The following POLQ variants were observed in gnomAD, a reference collection of about 807,000 sequenced individuals.
The protein encoded by POLQ is DNA polymerase theta, also known as epididymis secretory sperm binding protein.
A neutral mutation model predicts 259.2 loss-of-function variants in POLQ; 233 were observed. The ratio of observed to expected loss-of-function variants is 0.90; its 90% CI spans 0.81 to 1.00. The LOEUF (loss-of-function observed/expected upper bound fraction) is 1.00. POLQ is among the 50% of genes least tolerant of loss of function. POLQ has a pLI of 0.00. For missense variants in POLQ, 2,871 were observed against 3,051.6 expected, an observed-to-expected ratio of 0.94 and a Z score of 1.39; for synonymous variants, 1,025 against 1,048.8, an observed-to-expected ratio of 0.98 and a Z score of 0.44.
intron 8 of POLQ, 145 bp downstream of exon 8, chr3:121,521,858 A>AC (rs2048338543): frequency 1.9e-6 from 1 of 537,842 alleles, no homozygotes; most frequent in Non-Finnish European, 3.0e-6. Context: ...GGAGTGAGCC[A>AC]CCACGCCCAG....
chr3:121,494,489 G>A (rs763874239), intron 14 of POLQ: 59 of 1,482,340 alleles, frequency 4.0e-5, no homozygotes, highest in Non-Finnish European at 4.9e-5. Context: ...CAGAGGGGAC[G>A]TCCCCACCAA....
At chr3:121,473,268 T>C (rs1255802322) in intron 21 of POLQ, 82 bp downstream of exon 21, 1 of 1,212,424 alleles carries the variant, frequency 8.2e-7, no homozygotes, top group African/African-American at 1.5e-5. Flanking sequence ...AAGATGTTGA[T>C]TTCATCAGCA....
intron 14 of POLQ, among the ~76,000 whole-genome samples, chr3:121,496,441 C>T (rs1320864062): frequency 6.6e-6 from 1 of 152,118 alleles, no homozygotes; most frequent in Non-Finnish European, 1.5e-5. Flanking sequence ...TCCCAAAGTG[C>T]TGGGATTACA....
chr3:121,491,763 A>G (rs2048070466), intron 15 of POLQ, among the ~76,000 whole-genome samples: 1 of 152,110 alleles, frequency 6.6e-6, no homozygotes, highest in Non-Finnish European at 1.5e-5. Context: ...ACAGATTCCA[A>G]GTGGCCAGTT....
At chr3:121,514,410 T>C (rs2048279965) in intron 9 of POLQ, among the ~76,000 whole-genome samples, 1 of 143,932 alleles carries the variant, frequency 6.9e-6, no homozygotes, top group Non-Finnish European at 1.5e-5. Context: ...CTGAAACTTA[T>C]GCATAGACCA....
intron 7 of POLQ, among the ~76,000 whole-genome samples, chr3:121,525,916 C>G (rs1455598241): frequency 2.0e-5 from 3 of 152,064 alleles, no homozygotes; most frequent in Non-Finnish European, 4.4e-5. Context: ...TTTTCACAAT[C>G]TTTTTCATGA....
chr3:121,488,787 G>T lies in POLQ; in HGVS notation c.4144C>A (p.Leu1382Ile). The stretch of plus-strand genomic sequence containing the variant: ...AAATGATCTATCTTAGTCGCTCCTA[G>T]AGGGTGCTGTTCAGCAGGAAAAGGA... The part of the protein sequence containing the change: ...HIPFPAEQHP[L>I]GATKIDHLDL... Residue 1382 changes from leucine to isoleucine, a missense_variant, in exon 16 of 30, where the codon CTA (leucine) becomes ATA (isoleucine). Physicochemically the swap from Leu to Ile is conservative, Grantham distance 5 (BLOSUM62 2). This residue lies in a region of POLQ where 2,080 missense variants were observed against 2,126.0 expected (regional missense o/e 0.98). Coordinates refer to ENST00000264233, the MANE Select transcript of POLQ (RefSeq NM_199420.4). 1.9e-6 allele frequency: 3 copies of T among 1,613,950 alleles called. No individual in the cohort carries two copies. The highest frequency in any genetic ancestry group is 2.2e-5 in the South Asian group (2 of 91,044).
chr3:121,495,727 T>C (rs2048113887), intron 14 of POLQ, among the ~76,000 whole-genome samples: 1 of 151,046 alleles, frequency 6.6e-6, no homozygotes, highest in African/African-American at 2.4e-5. Flanking sequence ...CGGGCACCTG[T>C]AGTCCCAGCT....
Position 121,494,599 on chromosome 3 carries a change from C to T in POLQ, c.2279-878G>A, listed in dbSNP as rs543410926. On this transcript the variant is annotated intron_variant, in intron 14 of 29. Transcript: ENST00000264233. ...TGATTGCACACAACGCGGATCCCAT[C>T]AAGCTGGCTGTCTTCTTGCCTGCCC... 7.3e-5 allele frequency: 112 copies of T among 1,543,108 alleles called. No individual in the cohort carries two copies. In the African/African-American group the frequency reaches 1.4e-3, roughly 19 times the overall value.
At position 121,467,581 on chromosome 3, in the gene POLQ, C is replaced by T. The variant is rs756115703; in HGVS notation, c.6905G>A (p.Arg2302Lys). ...NPRCQAQMEERAADRGMPFSI... is the reference protein window; with the variant it reads ...NPRCQAQMEEKAADRGMPFSI... ...AAATGGCATTCCTCTGTCTGCAGCTCTCTCCTCCATCTGTGCCTGGCATCT... is the reference window on the plus strand; with the variant it reads ...AAATGGCATTCCTCTGTCTGCAGCTTTCTCCTCCATCTGTGCCTGGCATCT... The change falls in exon 24 of 30, where the codon AGA (arginine) becomes AAA (lysine). Residue 2302 changes from arginine to lysine, a missense_variant. Physicochemically the swap from Arg to Lys is conservative, Grantham distance 26. Transcript: ENST00000264233. The T allele has an allele frequency of 2.7e-5, 43 of 1,613,836 alleles. No homozygotes were observed. The highest frequency in any genetic ancestry group is 3.5e-5 in the Non-Finnish European group (41 of 1,179,790).
At chr3:121,533,468 C>T (rs1192554520) in intron 5 of POLQ, among the ~76,000 whole-genome samples, 1 of 152,184 alleles carries the variant, frequency 6.6e-6, no homozygotes, top group African/African-American at 2.4e-5. Context: ...CTTGTCACCA[C>T]TTGGTATTGT....
intron 12 of POLQ, among the ~76,000 whole-genome samples, chr3:121,508,318 T>C (rs2048226503): frequency 6.6e-6 from 1 of 152,208 alleles, no homozygotes; most frequent in African/African-American, 2.4e-5. Context: ...ACTTACATAA[T>C]GTTTATGGGA....
intron 18 of POLQ, among the ~76,000 whole-genome samples, chr3:121,482,099 T>G (rs772419079): frequency 6.6e-6 from 1 of 152,172 alleles, no homozygotes; most frequent in Non-Finnish European, 1.5e-5. Context: ...CAAGTGTGTC[T>G]CAGCAAACTC....
At chr3:121,439,371 C>T (rs541557061) in intron 27 of POLQ, among the ~76,000 whole-genome samples, 1 of 152,114 alleles carries the variant, frequency 6.6e-6, no homozygotes, top group East Asian at 1.9e-4. Context: ...GCTAAGACTA[C>T]AGGCATTGCA....
In POLQ at chr3:121,462,589, C is replaced by T. The variant is rs146282626; in HGVS notation, c.6968-2355G>A. On this transcript the variant is annotated intron_variant, in intron 24 of 29. Transcript: ENST00000264233. ...AGTTGTGCAGGGGGAAAGTGCAGGG[C>T]GCCAAAGAACAGACACTGAAGAAAT... Among the ~76,000 whole-genome samples the T allele has an allele frequency of 3.4e-3, 514 of 152,212 alleles. 3 individuals carry two copies. The highest frequency in any genetic ancestry group is 0.012 in the African/African-American group (479 of 41,516).
intron 12 of POLQ, among the ~76,000 whole-genome samples, chr3:121,505,024 G>A (rs2048198307): frequency 6.6e-6 from 1 of 152,204 alleles, no homozygotes; most frequent in South Asian, 2.1e-4. Context: ...GCTGGAGATA[G>A]TGCCTGGTGG....
chr3:121,470,572 T>C (rs2047875539), intron 22 of POLQ, among the ~76,000 whole-genome samples: 1 of 152,174 alleles, frequency 6.6e-6, no homozygotes, highest in African/African-American at 2.4e-5. Context: ...TCCTCAGAAT[T>C]ACCAGGTGGG....
Position 121,481,737 on chromosome 3 carries a change from C to T in POLQ, c.6046G>A (p.Glu2016Lys). 4 of 1,614,006 alleles carry T rather than the reference C, an allele frequency of 2.5e-6. No individual in the cohort carries two copies. Among genetic ancestry groups the T allele is most frequent in the Middle Eastern group, 1.6e-4 (1 of 6,062 alleles). ...TCCATCCCTTCTAGGAGTGGAAGCTCATGAGGAAGAAAACTGGTAACTATG... is the reference window on the plus strand; with the variant it reads ...TCCATCCCTTCTAGGAGTGGAAGCTTATGAGGAAGAAAACTGGTAACTATG... ...HSIVTSFLPH[E>K]LPLLEGMETS... Residue 2016 changes from glutamate to lysine, a missense_variant, in exon 19 of 30, where the codon GAG becomes AAG. Coordinates refer to ENST00000264233, the MANE Select transcript of POLQ (RefSeq NM_199420.4).
chr3:121,473,318 C>T (rs1385457999), intron 21 of POLQ, 32 bp downstream of exon 21: 3 of 1,576,258 alleles, frequency 1.9e-6, no homozygotes, highest in Admixed American at 3.9e-5. Flanking sequence ...AGTTTAGGTT[C>T]TGCCCTGCTC....
Sources: allele counts gnomAD v4.1 joint callset (sites outside exome capture counted in the v4.1 genomes callset), GRCh38; gene constraint gnomAD v4.1.1; regional missense constraint gnomAD v4.1.1; transcripts MANE v1.5; gene names NCBI Gene and HGNC (gene_info 2026-07-23, HGNC 2026-07-21).